Variants in KCNMA1 observed in about 807,000 individuals in gnomAD.
KCNMA1 encodes the protein potassium calcium-activated channel subfamily M alpha 1.
In KCNMA1, 29 loss-of-function variants were observed where a neutral mutation model predicts 140.0. The observed-to-expected ratio is 0.21, with a 90% CI of 0.15 to 0.28. The LOEUF is 0.28. Among genes scored for constraint, KCNMA1 ranks in the 10% least tolerant of loss-of-function variants. The probability of loss-of-function intolerance (pLI) is 1.00; values close to 1 mark genes in which losing one functional copy is unlikely to be tolerated. For missense variants in KCNMA1, 880 were observed against 1,602.2 expected, an observed-to-expected ratio of 0.55 and a Z score of 7.70; for synonymous variants, 612 against 611.9, an observed-to-expected ratio of 1.00 and a Z score of 0.00.
chr10:77,472,890 G>C (rs2154529041), intron 1 of KCNMA1, among the ~76,000 whole-genome samples: 1 of 152,298 alleles, frequency 6.6e-6, no homozygotes, highest in South Asian at 2.1e-4. Context: ...CTCAGGATGG[G>C]CTCCAGGTGC....
intron 1 of KCNMA1, among the ~76,000 whole-genome samples, chr10:77,459,837 T>C (rs2097828496): frequency 6.6e-6 from 1 of 152,224 alleles, no homozygotes; most frequent in Non-Finnish European, 1.5e-5. Context: ...AGGCGCACTA[T>C]TTGATCTCTC....
intron 2 of KCNMA1, among the ~76,000 whole-genome samples, chr10:77,352,672 C>T (rs2093037180): frequency 6.6e-6 from 1 of 151,502 alleles, no homozygotes; most frequent in African/African-American, 2.4e-5. Flanking sequence ...GTTAACAAAA[C>T]AAACACTGCT....
At chr10:77,120,352 C>T (rs527648695) in intron 6 of KCNMA1, among the ~76,000 whole-genome samples, 27 of 152,252 alleles carry the variant, frequency 1.8e-4, no homozygotes, top group African/African-American at 5.3e-4. Flanking sequence ...CAGATCATAA[C>T]GCAGTTAACA....
chr10:77,609,678 A>G (rs1033321754), intron 1 of KCNMA1, among the ~76,000 whole-genome samples: 1 of 152,198 alleles, frequency 6.6e-6, no homozygotes, highest in African/African-American at 2.4e-5. Context: ...ATATTTCAAA[A>G]CAACATGTTG....
At chr10:77,257,216 T>A (rs992811831) in intron 2 of KCNMA1, among the ~76,000 whole-genome samples, 7 of 152,368 alleles carry the variant, frequency 4.6e-5, no homozygotes, top group Non-Finnish European at 1.0e-4. Context: ...TAAATTATAA[T>A]GTTTTTGTCC....
intron 2 of KCNMA1, among the ~76,000 whole-genome samples, chr10:77,291,976 G>A (rs1441035877): frequency 6.6e-6 from 1 of 152,176 alleles, no homozygotes; most frequent in Admixed American, 6.5e-5. Flanking sequence ...TCAGGGCTCT[G>A]AGAAGGGTCC....
At chr10:76,921,657 AT>A (rs35101718) in intron 23 of KCNMA1, among the ~76,000 whole-genome samples, 1 of 152,188 alleles carries the variant, frequency 6.6e-6, no homozygotes, top group African/African-American at 2.4e-5. Context: ...CACAGCAGTC[AT>A]TTTTGCAGTA....
At chr10:77,154,538 A>G (rs1299812349) in intron 5 of KCNMA1, among the ~76,000 whole-genome samples, 1 of 152,202 alleles carries the variant, frequency 6.6e-6, no homozygotes, top group Non-Finnish European at 1.5e-5. Context: ...TGTTGCCTGA[A>G]TAATTCAGGC....
chr10:77,524,993 G>A (rs1220669488), intron 1 of KCNMA1, among the ~76,000 whole-genome samples: 4 of 152,270 alleles, frequency 2.6e-5, no homozygotes, highest in African/African-American at 9.6e-5. Context: ...CCCTAACCCA[G>A]TCAATACCCA....
At chr10:76,952,916 C>T (rs1481205501) in intron 21 of KCNMA1, among the ~76,000 whole-genome samples, 3 of 152,204 alleles carry the variant, frequency 2.0e-5, no homozygotes, top group Non-Finnish European at 4.4e-5. Flanking sequence ...AGAACCCTTC[C>T]ATCTGACTTT....
chr10:76,929,095 TA>T (rs1302045962), intron 23 of KCNMA1, among the ~76,000 whole-genome samples: 1 of 151,870 alleles, frequency 6.6e-6, no homozygotes, highest in Non-Finnish European at 1.5e-5. Context: ...TAAATGCAAA[TA>T]AATAAATAAA....
In KCNMA1 at chr10:77,403,035, T is replaced by TC. The variant is rs1337269600; in HGVS notation, c.540+826dup. Among the ~76,000 whole-genome samples the TC allele has an allele frequency of 2.0e-5, 3 of 152,194 alleles. No individual in the cohort carries two copies. In the East Asian group the frequency reaches 5.8e-4, roughly 29 times the overall value. ...ATTCATCCCTGTTTGCCCAGGACTT[T>TC]CCCAGTTTTTGCACTGAAAGACTCA... is the stretch of plus-strand genomic sequence containing the variant. On this transcript the variant is annotated intron_variant, in intron 2 of 27. Transcript: ENST00000286628.
At chr10:77,010,471 A>C (rs2090436233) in intron 18 of KCNMA1, among the ~76,000 whole-genome samples, 1 of 152,052 alleles carries the variant, frequency 6.6e-6, no homozygotes, top group African/African-American at 2.4e-5. Flanking sequence ...TTCTTGTCCC[A>C]AGAAATTAGA....
At chr10:77,621,722 G>A (rs980635839) in intron 1 of KCNMA1, among the ~76,000 whole-genome samples, 3 of 152,118 alleles carry the variant, frequency 2.0e-5, no homozygotes, top group African/African-American at 7.2e-5. Flanking sequence ...GAGCTCAAGA[G>A]TTAGAGACCA....
At chr10:77,296,409 C>T (rs958505843) in intron 2 of KCNMA1, among the ~76,000 whole-genome samples, 5 of 152,126 alleles carry the variant, frequency 3.3e-5, no homozygotes, top group African/African-American at 9.7e-5. Context: ...ATTCTGACCC[C>T]CCAAATCTGT....
intron 2 of KCNMA1, among the ~76,000 whole-genome samples, chr10:77,374,812 AT>A (rs578101884): frequency 7.9e-5 from 12 of 152,200 alleles, no homozygotes; most frequent in Non-Finnish European, 1.3e-4. Context: ...AGGGTTCCCC[AT>A]GACCCCTAGG....
intron 2 of KCNMA1, among the ~76,000 whole-genome samples, chr10:77,268,498 G>T (rs561507724): frequency 6.6e-6 from 1 of 152,094 alleles, no homozygotes; most frequent in Non-Finnish European, 1.5e-5. Context: ...AGATGATGGG[G>T]ACTGCTCTAC....
chr10:77,561,672 TG>T (rs2066442461), intron 1 of KCNMA1, among the ~76,000 whole-genome samples: 1 of 152,144 alleles, frequency 6.6e-6, no homozygotes, highest in South Asian at 2.1e-4. Context: ...GGCAGGTCCA[TG>T]ACCTTCACAA....
chr10:77,085,246 A>G (rs189972649), intron 11 of KCNMA1, among the ~76,000 whole-genome samples: 256 of 152,318 alleles, frequency 1.7e-3, no homozygotes, highest in African/African-American at 5.9e-3. Flanking sequence ...ATCAGATAAC[A>G]TCACCATATT....
Sources: gnomAD v4.1 joint callset for allele counts (sites outside exome capture counted in the v4.1 genomes callset) on GRCh38, gnomAD v4.1.1 for gene constraint, MANE v1.5 for transcripts, NCBI Gene and HGNC (gene_info 2026-07-23, HGNC 2026-07-21) for gene names.